RXFP1: variants seen among roughly 807,000 people sequenced by gnomAD.
RXFP1 encodes relaxin family peptide receptor 1.
In RXFP1, 73 loss-of-function variants were observed where a neutral mutation model predicts 89.8. The ratio of observed to expected loss-of-function variants is 0.81; its 90% CI spans 0.67 to 0.99. The LOEUF (loss-of-function observed/expected upper bound fraction) is 0.99, where lower values mean the gene tolerates loss of function less well. RXFP1 is among the 50% of genes least tolerant of loss of function. The pLI is 0.00. For missense variants in RXFP1, 793 were observed against 895.5 expected, an observed-to-expected ratio of 0.89 and a Z score of 1.46; for synonymous variants, 277 against 305.5, an observed-to-expected ratio of 0.91 and a Z score of 0.97.
rs79154077 is a variant in RXFP1, at chr4:158,612,440, T to C, written c.680+78T>C. On this transcript the variant is annotated intron_variant, in intron 8 of 17. Transcript: ENST00000307765. ...AAATTAATGCTTAAATTTAATACCA[T>C]TAAATTTGGATTTGTTAAAACCCCA... is the stretch of plus-strand genomic sequence containing the variant. 6.3e-3 allele frequency: 6,730 copies of C among 1,064,450 alleles called. 301 individuals are homozygous for C. The African/African-American group carries it at 0.093, about 15-fold the overall frequency. The allele number at this position is 1,064,450 out of a possible 1,614,324, so 65.9% of individuals were successfully genotyped here.
intron 2 of RXFP1, among the ~76,000 whole-genome samples, chr4:158,585,028 G>A (rs943729999): frequency 6.6e-6 from 1 of 152,126 alleles, no homozygotes; most frequent in African/African-American, 2.4e-5. Flanking sequence ...CTGAAGTAAG[G>A]CCCAAGAATT....
chr4:158,542,839 G>A (rs1185402199), intron 1 of RXFP1, among the ~76,000 whole-genome samples: 4 of 151,908 alleles, frequency 2.6e-5, no homozygotes, highest in African/African-American at 9.7e-5. Context: ...CATCATAGGT[G>A]CAACAAACAG....
At chr4:158,644,521 C>T (rs1771131935) in intron 14 of RXFP1, among the ~76,000 whole-genome samples, 1 of 152,114 alleles carries the variant, frequency 6.6e-6, no homozygotes, top group South Asian at 2.1e-4. Context: ...AACTCTTCCC[C>T]TGAGGGATAG....
chr4:158,555,320 C>G (rs1032238805), intron 1 of RXFP1, among the ~76,000 whole-genome samples: 31 of 152,164 alleles, frequency 2.0e-4, no homozygotes, highest in African/African-American at 7.2e-4. Context: ...GGTTTTAGTT[C>G]TGAGACAGGA....
rs973360873 is a variant in RXFP1 at position 158,646,937 on chromosome 4, G to T, written c.1492G>T (p.Val498Leu). The T allele has an allele frequency of 6.2e-7, 1 of 1,614,180 alleles. No individual in the cohort carries two copies. The highest frequency in any genetic ancestry group is 8.5e-7 in the Non-Finnish European group (1 of 1,180,030). The change falls in exon 16 of 18, where the codon GTA (valine) becomes TTA (leucine). Residue 498 changes from valine to leucine, a missense_variant. Coordinates refer to ENST00000307765, the MANE Select transcript of RXFP1 (RefSeq NM_021634.4). ...VGSLAILSTE[V>L]SVLLLTFLTL... Reference sequence around the variant, plus strand: ...ATCTTTGGCCATTCTGTCCACAGAAGTATCAGTTTTACTGTTAACATTTCT... The same window carrying T: ...ATCTTTGGCCATTCTGTCCACAGAATTATCAGTTTTACTGTTAACATTTCT...
At chr4:158,565,982 G>A (rs1053400541) in intron 1 of RXFP1, among the ~76,000 whole-genome samples, 5 of 152,128 alleles carry the variant, frequency 3.3e-5, no homozygotes, top group Non-Finnish European at 7.4e-5. Flanking sequence ...CCAAATTCAG[G>A]AACATTCTAC....
In RXFP1 at chr4:158,521,970, G is replaced by A; in HGVS notation, c.-7G>A. The stretch of plus-strand genomic sequence containing the variant: ...CTTTCATTAATCAGTTGCTCAGATA[G>A]AAGGAAATGACATCTGGTTCTGTCT... On this transcript the variant is annotated 5_prime_UTR_variant, in exon 1 of 18. An upstream open reading frame in the 5' UTR loses its in-frame stop. Coordinates refer to ENST00000307765, the MANE Select transcript of RXFP1 (RefSeq NM_021634.4). 6.2e-7 allele frequency: 1 copy of A among 1,607,684 alleles called. No homozygotes were observed. The highest frequency in any genetic ancestry group is 8.5e-7 in the Non-Finnish European group (1 of 1,175,744).
chr4:158,555,981 A>G (rs1348751374), intron 1 of RXFP1, among the ~76,000 whole-genome samples: 1 of 152,194 alleles, frequency 6.6e-6, no homozygotes, highest in African/African-American at 2.4e-5. Flanking sequence ...AAACTACTAG[A>G]AGAAAACATA....
chr4:158,564,973 T>C (rs1753249676), intron 1 of RXFP1, among the ~76,000 whole-genome samples: 1 of 152,198 alleles, frequency 6.6e-6, no homozygotes, highest in Admixed American at 6.5e-5. Context: ...ATTTGGTGGA[T>C]CAGAAGGAGG....
At chr4:158,529,413 C>G (rs916871547) in intron 1 of RXFP1, among the ~76,000 whole-genome samples, 2 of 151,896 alleles carry the variant, frequency 1.3e-5, no homozygotes, top group Admixed American at 6.6e-5. Context: ...TGCATGCCAC[C>G]ACGCCCGGCT....
At chr4:158,631,949 T>C (rs1463025971) in intron 11 of RXFP1, among the ~76,000 whole-genome samples, 1 of 152,066 alleles carries the variant, frequency 6.6e-6, no homozygotes, top group African/African-American at 2.4e-5. Flanking sequence ...AAAGATTAGC[T>C]GGGCATGGTG....
chr4:158,627,504 G>GGTGTGTGTGTGTGTGTGT (rs35872724), intron 10 of RXFP1, among the ~76,000 whole-genome samples: 2 of 143,358 alleles, frequency 1.4e-5, no homozygotes, highest in African/African-American at 5.2e-5. Context: ...TGAGCCTTAG[G>GGTGTGTGTGTGTGTGTGT]GTGTGTGTGT....
At position 158,646,855 on chromosome 4, in the gene RXFP1, A is replaced by T; in HGVS notation, c.1410A>T (p.Gly470=). The T allele has an allele frequency of 6.2e-7, 1 of 1,614,148 alleles. No homozygotes were observed. The highest frequency in any genetic ancestry group is 1.1e-5 in the South Asian group (1 of 91,080). Reference sequence around the variant, plus strand: ...GAGGCTTTGACCTAAAGTTTCGTGGAGAATACAATAAGCATGCGCAGCTGT... The same window carrying T: ...GAGGCTTTGACCTAAAGTTTCGTGGTGAATACAATAAGCATGCGCAGCTGT... The part of the protein sequence containing the change: ...VIGGFDLKFR[G]EYNKHAQLWM... The change falls in exon 16 of 18, where the codon GGA becomes GGT. Residue 470 remains glycine, a synonymous_variant. Coordinates refer to ENST00000307765, the MANE Select transcript of RXFP1 (RefSeq NM_021634.4).
At chr4:158,648,438 G>T in intron 16 of RXFP1, 61 bp from the exon 17 acceptor site, 1 of 1,002,056 alleles carries the variant, frequency 1.0e-6, no homozygotes, top group South Asian at 1.8e-5. Flanking sequence ...TTTTATTTAT[G>T]TTTGTTCATT....
rs191803964 is a variant in RXFP1 at position 158,573,034 on chromosome 4, G to T, written c.187+199G>T. 1,483 of 730,012 alleles carry T rather than the reference G, an allele frequency of 2.0e-3. 1 individual carries two copies. The highest frequency in any genetic ancestry group is 2.7e-3 in the Non-Finnish European group (1,358 of 494,052). The allele number at this position is 730,012 out of a possible 1,614,324, so 45.2% of individuals were successfully genotyped here. ...CTTGTTTTTGTTTTTTTTTGAGACG[G>T]AGTCTCGCTCTGTTGCCAGTCTGGA... On this transcript the variant is annotated intron_variant, in intron 2 of 17. Coordinates refer to ENST00000307765, the MANE Select transcript of RXFP1 (RefSeq NM_021634.4).
chr4:158,563,194 G>A (rs1346900233), intron 1 of RXFP1, among the ~76,000 whole-genome samples: 9 of 152,202 alleles, frequency 5.9e-5, no homozygotes, highest in Non-Finnish European at 1.2e-4. Flanking sequence ...AGAAGTTTCA[G>A]ATTTTAGTCA....
intron 9 of RXFP1, 63 bp downstream of exon 9, chr4:158,617,268 C>A: frequency 8.4e-7 from 1 of 1,188,982 alleles, no homozygotes; most frequent in Non-Finnish European, 1.2e-6. Context: ...CTAATTCATT[C>A]CAGATATAAG....
intron 14 of RXFP1, among the ~76,000 whole-genome samples, chr4:158,644,387 C>T (rs1213573623): frequency 6.6e-6 from 1 of 152,048 alleles, no homozygotes; most frequent in East Asian, 1.9e-4. Context: ...AGATCATTTG[C>T]CTACTTTTTA....
At chr4:158,522,983 CT>C (rs1489036567) in intron 1 of RXFP1, among the ~76,000 whole-genome samples, 1 of 152,114 alleles carries the variant, frequency 6.6e-6, no homozygotes, top group African/African-American at 2.4e-5. Context: ...GTGATTATAT[CT>C]TCCTTTTCCT....
Sources: gnomAD v4.1 joint callset for allele counts (sites outside exome capture counted in the v4.1 genomes callset) on GRCh38, gnomAD v4.1.1 for gene constraint, MANE v1.5 for transcripts, NCBI Gene and HGNC (gene_info 2026-07-23, HGNC 2026-07-21) for gene names.